The following SPIRE1 variants were observed in gnomAD, a reference collection of about 807,000 sequenced individuals.
SPIRE1 encodes the protein spire type actin nucleation factor 1.
In SPIRE1, 40 loss-of-function variants were observed where a neutral mutation model predicts 94.1. The ratio of observed to expected loss-of-function variants is 0.43; its 90% confidence interval spans 0.33 to 0.55. SPIRE1 has a LOEUF of 0.55. SPIRE1 is among the 20% of genes least tolerant of loss of function. The pLI is 0.06. For missense variants in SPIRE1, 838 were observed against 975.2 expected, an observed-to-expected ratio of 0.86 and a Z score of 1.87; for synonymous variants, 376 against 371.7, an observed-to-expected ratio of 1.01 and a Z score of -0.13.
At chr18:12,648,391 G>A (rs78277904) in intron 1 of SPIRE1, among the ~76,000 whole-genome samples, 21,153 of 152,000 alleles carry the variant, frequency 0.14, 1,717 homozygotes, top group African/African-American at 0.2. Flanking sequence ...CCTTCACCTC[G>A]CTGGTATTCT....
intron 5 of SPIRE1, among the ~76,000 whole-genome samples, chr18:12,509,758 A>C (rs1185747919): frequency 6.6e-6 from 1 of 152,180 alleles, no homozygotes; most frequent in Non-Finnish European, 1.5e-5. Flanking sequence ...TCTCAAAACA[A>C]TTATGAAGAG....
intron 4 of SPIRE1, among the ~76,000 whole-genome samples, chr18:12,524,679 T>C (rs972069348): frequency 6.6e-6 from 1 of 152,004 alleles, no homozygotes; most frequent in Non-Finnish European, 1.5e-5. Context: ...AATTACACAT[T>C]AAAGTAATAA....
intron 3 of SPIRE1, among the ~76,000 whole-genome samples, chr18:12,546,427 G>T (rs1403322379): frequency 6.6e-6 from 1 of 152,004 alleles, no homozygotes; most frequent in Non-Finnish European, 1.5e-5. Flanking sequence ...GAGCCCAGGG[G>T]TTCAAAACCA....
chr18:12,609,150 A>T (rs1475301983), intron 2 of SPIRE1, among the ~76,000 whole-genome samples: 1 of 152,222 alleles, frequency 6.6e-6, no homozygotes, highest in Non-Finnish European at 1.5e-5. Flanking sequence ...CTCAGGTTGT[A>T]ATGCTCACTC....
At chr18:12,543,589 T>C (rs953149535) in intron 3 of SPIRE1, among the ~76,000 whole-genome samples, 9 of 152,160 alleles carry the variant, frequency 5.9e-5, no homozygotes, top group African/African-American at 2.2e-4. Flanking sequence ...GCTCCAGTAA[T>C]AGAAGGGGGA....
At chr18:12,523,093 G>A (rs2034409939) in intron 4 of SPIRE1, among the ~76,000 whole-genome samples, 1 of 152,166 alleles carries the variant, frequency 6.6e-6, no homozygotes, top group Non-Finnish European at 1.5e-5. Context: ...GAACACTGGT[G>A]ATTCATGAAA....
chr18:12,484,910 A>G (rs1191000775), intron 9 of SPIRE1, among the ~76,000 whole-genome samples: 1 of 152,006 alleles, frequency 6.6e-6, no homozygotes, highest in African/African-American at 2.4e-5. Context: ...AAAATAAATA[A>G]ATAAATAAAT....
Position 12,470,708 on chromosome 18 carries a change from C to T in SPIRE1, c.1405-5750G>A, listed in dbSNP as rs556660474. 9.9e-5 allele frequency among the ~76,000 whole-genome samples: 15 copies of T among 152,278 alleles called. No individual in the cohort carries two copies. The South Asian group carries it at 1.7e-3, about 17-fold the overall frequency. On this transcript the variant is annotated intron_variant, in intron 10 of 16. Transcript: ENST00000409402. ...TACCCTCTCGTGTCTATTCCAACTG[C>T]CTAATCACTTTTTGCTTATCTGGGG...
At chr18:12,484,205 G>T (rs1002396754) in intron 9 of SPIRE1, among the ~76,000 whole-genome samples, 1 of 152,064 alleles carries the variant, frequency 6.6e-6, no homozygotes, top group Non-Finnish European at 1.5e-5. Flanking sequence ...TTCTTATTAC[G>T]GTCCAACTAA....
chr18:12,539,397 T>A (rs2034941560), intron 3 of SPIRE1, among the ~76,000 whole-genome samples: 1 of 152,184 alleles, frequency 6.6e-6, no homozygotes, highest in South Asian at 2.1e-4. Context: ...ACTTCCGCCA[T>A]GATTGTGAGG....
At chr18:12,483,756 T>C (rs978386961) in intron 9 of SPIRE1, among the ~76,000 whole-genome samples, 1 of 152,212 alleles carries the variant, frequency 6.6e-6, no homozygotes, top group Non-Finnish European at 1.5e-5. Flanking sequence ...TGTTTCTCAC[T>C]AGTTTGTTCA....
intron 2 of SPIRE1, among the ~76,000 whole-genome samples, chr18:12,585,329 A>C (rs968396498): frequency 1.3e-5 from 2 of 152,210 alleles, no homozygotes; most frequent in Non-Finnish European, 2.9e-5. Context: ...GAAACCAAAA[A>C]ACTTCATGAT....
At chr18:12,648,206 C>T (rs528936362) in intron 1 of SPIRE1, among the ~76,000 whole-genome samples, 46 of 152,236 alleles carry the variant, frequency 3.0e-4, no homozygotes, top group African/African-American at 1.1e-3. Flanking sequence ...TATCCTTGAA[C>T]GCAGGCTGGA....
At chr18:12,608,883 A>T (rs2037060618) in intron 2 of SPIRE1, among the ~76,000 whole-genome samples, 1 of 152,184 alleles carries the variant, frequency 6.6e-6, no homozygotes, top group Non-Finnish European at 1.5e-5. Context: ...AGCAAAACTG[A>T]GGATTACTAG....
intron 1 of SPIRE1, among the ~76,000 whole-genome samples, chr18:12,649,965 C>T (rs1851467133): frequency 6.6e-6 from 1 of 152,172 alleles, no homozygotes; most frequent in South Asian, 2.1e-4. Context: ...GTAGGTCAGG[C>T]TTGGTGGCTC....
intron 2 of SPIRE1, among the ~76,000 whole-genome samples, chr18:12,606,019 A>G (rs1018089519): frequency 6.6e-6 from 1 of 151,570 alleles, no homozygotes; most frequent in Non-Finnish European, 1.5e-5. Flanking sequence ...CCCTCATATC[A>G]CTCAGATCTC....
intron 1 of SPIRE1, among the ~76,000 whole-genome samples, chr18:12,641,202 C>T (rs1279317638): frequency 6.6e-6 from 1 of 152,044 alleles, no homozygotes; most frequent in Non-Finnish European, 1.5e-5. Context: ...CAACAACAAC[C>T]ATTAGTTTAA....
chr18:12,456,174 T>C (rs1257857415), intron 12 of SPIRE1, among the ~76,000 whole-genome samples: 2 of 152,182 alleles, frequency 1.3e-5, no homozygotes, highest in Non-Finnish European at 2.9e-5. Context: ...AATACGCATT[T>C]AAAAAATTAA....
At chr18:12,643,282 T>C (rs1332350520) in intron 1 of SPIRE1, among the ~76,000 whole-genome samples, 2 of 152,202 alleles carry the variant, frequency 1.3e-5, no homozygotes, top group Non-Finnish European at 2.9e-5. Context: ...AATTCAAACA[T>C]TGCTTAAACT....
Sources: gnomAD v4.1 joint callset for allele counts (sites outside exome capture counted in the v4.1 genomes callset) on GRCh38, gnomAD v4.1.1 for gene constraint, MANE v1.5 for transcripts, NCBI Gene and HGNC (gene_info 2026-07-23, HGNC 2026-07-21) for gene names.